The following GULP1 variants were observed in gnomAD, a reference collection of about 807,000 sequenced individuals.
The protein encoded by GULP1 is PTB domain-containing engulfment adapter protein 1.
A neutral mutation model predicts 40.9 loss-of-function variants in GULP1; 19 were observed. The ratio of observed to expected loss-of-function variants is 0.46; its 90% CI spans 0.32 to 0.68. The LOEUF (loss-of-function observed/expected upper bound fraction) is 0.68, where lower values mean the gene tolerates loss of function less well. Ranked by LOEUF, GULP1 falls within the 30% of genes least tolerant of loss-of-function variation. The pLI is 0.03. For synonymous variants in GULP1, 119 were observed against 117.6 expected, an observed-to-expected ratio of 1.01 and a Z score of -0.08; for missense variants, 312 against 362.2, an observed-to-expected ratio of 0.86 and a Z score of 1.12.
At chr2:188,311,587 T>C (rs1367870487) in intron 1 of GULP1, among the ~76,000 whole-genome samples, 3 of 152,054 alleles carry the variant, frequency 2.0e-5, no homozygotes, top group Non-Finnish European at 4.4e-5. Flanking sequence ...GAAGTAGAGA[T>C]ACCTAGAAAT....
At chr2:188,418,397 C>T (rs2054877851) in intron 2 of GULP1, among the ~76,000 whole-genome samples, 3 of 152,044 alleles carry the variant, frequency 2.0e-5, no homozygotes, top group African/African-American at 7.3e-5. Context: ...TTTGGGAGGC[C>T]AAGGTGGCCG....
At chr2:188,511,289 C>A (rs1005315231) in intron 4 of GULP1, among the ~76,000 whole-genome samples, 11 of 152,100 alleles carry the variant, frequency 7.2e-5, no homozygotes, top group Non-Finnish European at 2.9e-5. Flanking sequence ...TAATACTATC[C>A]TCAGTTTTCA....
chr2:188,544,113 C>G (rs1420260855), intron 7 of GULP1, among the ~76,000 whole-genome samples: 2 of 152,050 alleles, frequency 1.3e-5, no homozygotes, highest in African/African-American at 2.4e-5. Flanking sequence ...CACCCTCACT[C>G]TCCTACTGGA....
At chr2:188,355,533 A>G (rs774647544) in intron 1 of GULP1, among the ~76,000 whole-genome samples, 4 of 152,006 alleles carry the variant, frequency 2.6e-5, no homozygotes, top group Non-Finnish European at 5.9e-5. Flanking sequence ...AATCATAATA[A>G]AAAGTCTCCC....
chr2:188,505,054 T>G (rs1559319574), intron 4 of GULP1, among the ~76,000 whole-genome samples: 1 of 151,788 alleles, frequency 6.6e-6, no homozygotes, highest in Non-Finnish European at 1.5e-5. Flanking sequence ...GAAAATTTTT[T>G]AATCAGTGAA....
intron 1 of GULP1, among the ~76,000 whole-genome samples, chr2:188,295,186 C>T (rs1043350718): frequency 6.6e-6 from 1 of 152,176 alleles, no homozygotes; most frequent in African/African-American, 2.4e-5. Flanking sequence ...GAACTTGGCT[C>T]TCTTCTCAGA....
chr2:188,482,143 G>A (rs2061491396), intron 3 of GULP1, among the ~76,000 whole-genome samples: 1 of 151,716 alleles, frequency 6.6e-6, no homozygotes, highest in Admixed American at 6.6e-5. Flanking sequence ...TTCATCTTTT[G>A]TATTGGAAAT....
At chr2:188,305,047 G>T (rs2036816166) in intron 1 of GULP1, among the ~76,000 whole-genome samples, 1 of 152,118 alleles carries the variant, frequency 6.6e-6, no homozygotes, top group South Asian at 2.1e-4. Context: ...TCCAACACTT[G>T]TTGGAAGTCC....
intron 1 of GULP1, among the ~76,000 whole-genome samples, chr2:188,377,900 G>T (rs2048494489): frequency 6.6e-6 from 1 of 152,064 alleles, no homozygotes; most frequent in South Asian, 2.1e-4. Flanking sequence ...GGTGAGGTTT[G>T]CATACTTTTT....
chr2:188,362,115 A>G (rs1490128723), intron 1 of GULP1, among the ~76,000 whole-genome samples: 2 of 152,004 alleles, frequency 1.3e-5, no homozygotes, highest in Non-Finnish European at 2.9e-5. Context: ...CAGTTGACCC[A>G]TTTTCTGAAA....
intron 4 of GULP1, among the ~76,000 whole-genome samples, chr2:188,506,078 G>A (rs986823145): frequency 7.2e-5 from 11 of 151,816 alleles, no homozygotes; most frequent in African/African-American, 2.7e-4. Flanking sequence ...AATATAATTA[G>A]CACCTAATAA....
intron 1 of GULP1, among the ~76,000 whole-genome samples, chr2:188,334,532 T>G (rs1473933853): frequency 3.9e-5 from 6 of 152,170 alleles, no homozygotes; most frequent in African/African-American, 1.4e-4. Flanking sequence ...AAAGGAAGCC[T>G]TCTCAGGTTG....
chr2:188,472,344 T>A (rs562587458), intron 2 of GULP1, among the ~76,000 whole-genome samples: 2 of 152,258 alleles, frequency 1.3e-5, no homozygotes, highest in East Asian at 3.9e-4. Context: ...TCTGATATTA[T>A]CCTTTTGAAT....
In GULP1 at chr2:188,595,875, G is replaced by A. The variant is rs917391688; in HGVS notation, c.*1864G>A. The stretch of plus-strand genomic sequence containing the variant: ...ATCTGGTTGAAAATTGTATTTCTAT[G>A]TAAACTCAACGATATGTTTGGTTTT... On this transcript the variant is annotated 3_prime_UTR_variant, in exon 12 of 12. Transcript: ENST00000409830. The A allele has an allele frequency of 6.6e-6, 1 of 152,104 alleles. No individual in the cohort carries two copies. The highest frequency in any genetic ancestry group is 1.5e-5 in the Non-Finnish European group (1 of 67,754). 9.4% of individuals were successfully genotyped at this position (152,104 alleles called of 1,614,324 possible).
intron 2 of GULP1, among the ~76,000 whole-genome samples, chr2:188,428,849 A>G (rs1414825610): frequency 6.6e-6 from 1 of 151,232 alleles, no homozygotes; most frequent in Non-Finnish European, 1.5e-5. Flanking sequence ...TGTTTTACCC[A>G]CTCTTGTTAG....
chr2:188,398,483 T>C (rs2051614331), intron 2 of GULP1, among the ~76,000 whole-genome samples: 1 of 152,250 alleles, frequency 6.6e-6, no homozygotes, highest in Non-Finnish European at 1.5e-5. Flanking sequence ...CCTATAAATG[T>C]TAACATTGTT....
At chr2:188,533,555 C>T (rs943704055) in intron 6 of GULP1, among the ~76,000 whole-genome samples, 2 of 151,938 alleles carry the variant, frequency 1.3e-5, no homozygotes, top group African/African-American at 4.8e-5. Context: ...AACACCATTC[C>T]GGACATTGCC....
chr2:188,388,499 C>T (rs1208596306), intron 2 of GULP1, among the ~76,000 whole-genome samples: 1 of 151,930 alleles, frequency 6.6e-6, no homozygotes, highest in Non-Finnish European at 1.5e-5. Context: ...GACGTGATCA[C>T]ACCACTGCCC....
intron 1 of GULP1, among the ~76,000 whole-genome samples, chr2:188,363,895 G>A (rs1346739329): frequency 6.6e-6 from 1 of 152,114 alleles, no homozygotes; most frequent in Non-Finnish European, 1.5e-5. Flanking sequence ...AGTGGCAGTA[G>A]TCCCTGCTGA....
Sources: gnomAD v4.1 joint callset for allele counts (sites outside exome capture counted in the v4.1 genomes callset) on GRCh38, gnomAD v4.1.1 for gene constraint, MANE v1.5 for transcripts, NCBI Gene and HGNC (gene_info 2026-07-23, HGNC 2026-07-21) for gene names.